MAGI2: variants seen among roughly 807,000 people sequenced by gnomAD.
The protein encoded by MAGI2 is membrane associated guanylate kinase, WW and PDZ domain containing 2, also known as membrane-associated guanylate kinase, WW and PDZ domain-containing protein 2.
In MAGI2, 35 loss-of-function variants were observed where a neutral mutation model predicts 133.3. That is an observed-to-expected ratio of 0.26 (90% CI 0.20 to 0.35). The LOEUF (loss-of-function observed/expected upper bound fraction) is 0.35. MAGI2 is among the 10% of genes least tolerant of loss of function. MAGI2 has a pLI of 1.00. For synonymous variants in MAGI2, 729 were observed against 710.6 expected, an observed-to-expected ratio of 1.03 and a Z score of -0.41; for missense variants, 1,636 against 1,863.4, an observed-to-expected ratio of 0.88 and a Z score of 2.25.
chr7:79,333,411 C>A (rs746672354), intron 1 of MAGI2, among the ~76,000 whole-genome samples: 6 of 152,202 alleles, frequency 3.9e-5, no homozygotes, highest in Non-Finnish European at 5.9e-5. Context: ...CAGGCGTGAG[C>A]CACCGCACCC....
intron 4 of MAGI2, among the ~76,000 whole-genome samples, chr7:78,520,542 GA>G (rs1270328258): frequency 6.6e-6 from 1 of 151,928 alleles, no homozygotes; most frequent in Non-Finnish European, 1.5e-5. Flanking sequence ...ACGGACCTTA[GA>G]TTTTTTTAAT....
chr7:78,765,940 T>C (rs367725269), intron 2 of MAGI2, among the ~76,000 whole-genome samples: 30 of 152,336 alleles, frequency 2.0e-4, no homozygotes, highest in African/African-American at 6.5e-4. Flanking sequence ...GGCACCAGCA[T>C]GTGCTAAGGT....
Position 79,316,499 on chromosome 7 carries a change from G to C in MAGI2, c.301+136521C>G, listed in dbSNP as rs146678868. The stretch of plus-strand genomic sequence containing the variant: ...TGTATACATATGTATATATTCATAC[G>C]CACATACATATGCATTTCTGTATTT... On this transcript the variant is annotated intron_variant, in intron 1 of 21. Coordinates refer to ENST00000354212, the MANE Select transcript of MAGI2 (RefSeq NM_012301.4). Among the ~76,000 whole-genome samples, 61 of 152,036 alleles carry C rather than the reference G, an allele frequency of 4.0e-4. No individual in the cohort carries two copies. In the East Asian group the frequency reaches 0.011, roughly 28 times the overall value.
chr7:78,458,383 C>T (rs972861947), intron 6 of MAGI2, among the ~76,000 whole-genome samples: 2 of 151,514 alleles, frequency 1.3e-5, no homozygotes, highest in African/African-American at 4.8e-5. Context: ...TTTTCAACAC[C>T]ACAGGCTTGA....
At chr7:79,432,910 A>C (rs1847872589) in intron 1 of MAGI2, among the ~76,000 whole-genome samples, 1 of 152,174 alleles carries the variant, frequency 6.6e-6, no homozygotes, top group Admixed American at 6.5e-5. Context: ...TGGAGGAAGA[A>C]GCTTTTGCTT....
At chr7:79,035,149 C>G (rs1169028836) in intron 1 of MAGI2, among the ~76,000 whole-genome samples, 3 of 132,626 alleles carry the variant, frequency 2.3e-5, no homozygotes, top group South Asian at 2.5e-4. Context: ...ACTTTCCAAA[C>G]ACATGACTAT....
chr7:79,176,994 G>A (rs1467076093), intron 1 of MAGI2: 1 of 151,884 alleles, frequency 6.6e-6, no homozygotes, highest in Non-Finnish European at 1.5e-5. Flanking sequence ...CAAATGATGC[G>A]GAATCAGAAA....
intron 9 of MAGI2, among the ~76,000 whole-genome samples, chr7:78,325,721 T>C (rs1788515519): frequency 6.6e-6 from 1 of 152,172 alleles, no homozygotes; most frequent in Admixed American, 6.5e-5. Context: ...TCCTGCCCTG[T>C]GATCACCTGC....
intron 6 of MAGI2, among the ~76,000 whole-genome samples, chr7:78,416,487 T>A (rs1002014689): frequency 6.6e-6 from 1 of 152,166 alleles, no homozygotes; most frequent in African/African-American, 2.4e-5. Context: ...CCTATTACAG[T>A]CAAGTAAAAT....
At chr7:78,522,511 C>G (rs1281202140) in intron 3 of MAGI2, among the ~76,000 whole-genome samples, 1 of 152,100 alleles carries the variant, frequency 6.6e-6, no homozygotes, top group African/African-American at 2.4e-5. Flanking sequence ...CCTGGAGTAG[C>G]TGGGACTACA....
At chr7:79,399,090 C>CTTTTTTTTTTTT (rs1337058211) in intron 1 of MAGI2, among the ~76,000 whole-genome samples, 3 of 101,440 alleles carry the variant, frequency 3.0e-5, no homozygotes, top group African/African-American at 1.5e-4. Flanking sequence ...TTTTTTTTTT[C>CTTTTTTTTTTTT]TTTTCTTTTT....
intron 1 of MAGI2, among the ~76,000 whole-genome samples, chr7:79,400,901 C>A (rs991988842): frequency 6.6e-6 from 1 of 152,018 alleles, no homozygotes; most frequent in South Asian, 2.1e-4. Context: ...TTACACTGGT[C>A]ACATTCAATG....
intron 3 of MAGI2, 87 bp from the exon 4 acceptor site, chr7:78,521,732 AT>A: frequency 9.1e-7 from 1 of 1,094,934 alleles, no homozygotes; most frequent in South Asian, 1.4e-5. Flanking sequence ...ATATTAACAC[AT>A]TTTTATCCTA....
chr7:79,124,924 T>C (rs1321542156), intron 1 of MAGI2: 1 of 286,790 alleles, frequency 3.5e-6, no homozygotes, highest in Non-Finnish European at 6.7e-6. Context: ...CAAATGCCAC[T>C]GTAGAGGAGG....
intron 1 of MAGI2, among the ~76,000 whole-genome samples, chr7:79,181,521 C>T (rs546167708): frequency 2.6e-4 from 40 of 151,988 alleles, no homozygotes; most frequent in Middle Eastern, 3.4e-3. Context: ...ACCCTGGGCC[C>T]GGCCCACAAA....
chr7:79,332,478 T>C (rs1203728394), intron 1 of MAGI2, among the ~76,000 whole-genome samples: 1 of 152,152 alleles, frequency 6.6e-6, no homozygotes, highest in African/African-American at 2.4e-5. Flanking sequence ...TTCCAGACCA[T>C]TTACCATCCT....
intron 3 of MAGI2, among the ~76,000 whole-genome samples, chr7:78,550,106 C>G (rs1432668294): frequency 6.6e-6 from 1 of 152,190 alleles, no homozygotes; most frequent in Non-Finnish European, 1.5e-5. Context: ...AAAGCAGACC[C>G]TTAGCAGATA....
intron 6 of MAGI2, among the ~76,000 whole-genome samples, chr7:78,480,412 G>A (rs1381987085): frequency 6.6e-6 from 1 of 151,620 alleles, no homozygotes; most frequent in Non-Finnish European, 1.5e-5. Flanking sequence ...TTTCTCAATA[G>A]ACACAAAATC....
chr7:79,367,086 T>C (rs547133073), intron 1 of MAGI2, among the ~76,000 whole-genome samples: 5 of 152,286 alleles, frequency 3.3e-5, no homozygotes, highest in Admixed American at 6.5e-5. Flanking sequence ...AATTAACTGA[T>C]CCTGGCAAGT....
Sources: allele counts gnomAD v4.1 joint callset (sites outside exome capture counted in the v4.1 genomes callset), GRCh38; gene constraint gnomAD v4.1.1; transcripts MANE v1.5; gene names NCBI Gene and HGNC (gene_info 2026-07-23, HGNC 2026-07-21).